Variants in THADA observed in about 807,000 individuals in gnomAD.
THADA encodes THADA armadillo repeat containing.
Under a neutral mutation model 219.8 loss-of-function variants are expected in THADA, and 213 were observed. That is an observed-to-expected ratio of 0.97 (90% CI 0.87 to 1.09). THADA has a LOEUF of 1.09. Among genes scored for constraint, THADA ranks in the 50% least tolerant of loss-of-function variants. THADA has a pLI of 0.00. For missense variants in THADA, 2,956 were observed against 2,311.3 expected (o/e 1.28, Z -5.72); for synonymous variants, 1,018 against 828.9 (o/e 1.23, Z -3.92).
In THADA at chr2:43,409,757, C is replaced by T. The variant is rs555199735; in HGVS notation, c.4059-11618G>A. On this transcript the variant is annotated intron_variant, in intron 28 of 37. Coordinates refer to ENST00000405975, the MANE Select transcript of THADA (RefSeq NM_022065.5). ...AAACAAAAGCAGGCATGATGGCTTACACTTGTAATCCCAGCACTTTGGTAG... is the reference window on the plus strand; with the variant it reads ...AAACAAAAGCAGGCATGATGGCTTATACTTGTAATCCCAGCACTTTGGTAG... Among the ~76,000 whole-genome samples, 5 of 152,158 alleles carry T rather than the reference C, an allele frequency of 3.3e-5. No individual in the cohort carries two copies. In the East Asian group the frequency reaches 5.8e-4, roughly 18 times the overall value.
chr2:43,349,977 T>C (rs1045973484), intron 29 of THADA, among the ~76,000 whole-genome samples: 2 of 152,200 alleles, frequency 1.3e-5, no homozygotes, highest in African/African-American at 4.8e-5. Context: ...GTGCCACATT[T>C]TCCTTAGTGT....
At chr2:43,354,370 T>C (rs1001321127) in intron 29 of THADA, among the ~76,000 whole-genome samples, 1 of 152,102 alleles carries the variant, frequency 6.6e-6, no homozygotes, top group Non-Finnish European at 1.5e-5. Flanking sequence ...GTTATGAACA[T>C]TCCAATTATA....
Position 43,571,765 on chromosome 2 carries a change from T to C in THADA, c.2006A>G (p.Tyr669Cys). The C allele has an allele frequency of 6.2e-7, 1 of 1,613,952 alleles. No individual in the cohort carries two copies. The highest frequency in any genetic ancestry group is 8.5e-7 in the Non-Finnish European group (1 of 1,179,858). ...TCCTGGAGACTGGCTGTTAAGATTG[T>C]ATGTAATAAAGAACTGAATCCACTG... is the stretch of plus-strand genomic sequence containing the variant. ...EMQWIQFFIT[Y>C]NLNSQSPGVR... Residue 669 changes from tyrosine to cysteine, a missense_variant, in exon 13 of 38, where the codon TAC (tyrosine) becomes TGC (cysteine). Physicochemically the swap from Tyr to Cys is radical, Grantham distance 194 (BLOSUM62 -2). Coordinates refer to ENST00000405975, the MANE Select transcript of THADA (RefSeq NM_022065.5).
In THADA at chr2:43,581,849, C is replaced by A; in HGVS notation, c.613G>T (p.Val205Leu). The A allele has an allele frequency of 1.2e-6, 2 of 1,612,348 alleles. No homozygotes were observed. The highest frequency in any genetic ancestry group is 1.7e-6 in the Non-Finnish European group (2 of 1,179,434). The change falls in exon 8 of 38, where the codon GTA becomes TTA. Residue 205 changes from valine (V) to leucine (L), a missense_variant. By Grantham distance (32) the Val-to-Leu change is conservative (BLOSUM62 1). Transcript: ENST00000405975. ...CCCTGGAAATCTTGTACTTTCTGTA[C>A]TAACATCATTGAAACTCTAATGCCT... ...LVGIRVSMMLVQKVQDFQGNL... is the reference protein window; with the variant it reads ...LVGIRVSMMLLQKVQDFQGNL...
intron 21 of THADA, among the ~76,000 whole-genome samples, chr2:43,529,080 G>A (rs1693541738): frequency 6.6e-6 from 1 of 151,944 alleles, no homozygotes; most frequent in African/African-American, 2.4e-5. Context: ...GAATTTGCCA[G>A]AATGTCACCC....
intron 29 of THADA, among the ~76,000 whole-genome samples, chr2:43,390,300 C>A (rs765654383): frequency 5.3e-5 from 8 of 152,186 alleles, no homozygotes; most frequent in African/African-American, 1.4e-4. Flanking sequence ...GTAATGGCAT[C>A]CTTCCTGGCC....
chr2:43,263,934 A>G (rs1408677144), intron 36 of THADA, among the ~76,000 whole-genome samples: 1 of 152,072 alleles, frequency 6.6e-6, no homozygotes, highest in African/African-American at 2.4e-5. Flanking sequence ...CATTATAAAT[A>G]TCACCCTGTC....
At chr2:43,442,001 C>G (rs1457882774) in intron 26 of THADA, among the ~76,000 whole-genome samples, 1 of 152,166 alleles carries the variant, frequency 6.6e-6, no homozygotes, top group South Asian at 2.1e-4. Context: ...GTTAAGAAGA[C>G]AGGTATTCAC....
chr2:43,358,351 A>G (rs1669110259), intron 29 of THADA, among the ~76,000 whole-genome samples: 1 of 152,048 alleles, frequency 6.6e-6, no homozygotes, highest in South Asian at 2.1e-4. Flanking sequence ...ATCAAAGATA[A>G]GAAACTTTGA....
intron 25 of THADA, among the ~76,000 whole-genome samples, chr2:43,486,011 G>A (rs1027358699): frequency 6.6e-6 from 1 of 152,026 alleles, no homozygotes; most frequent in South Asian, 2.1e-4. Flanking sequence ...ATAAGGCCAG[G>A]AGTTTGAGGC....
At chr2:43,311,275 G>A (rs1330723893) in intron 31 of THADA, among the ~76,000 whole-genome samples, 2 of 152,076 alleles carry the variant, frequency 1.3e-5, no homozygotes, top group Non-Finnish European at 2.9e-5. Context: ...TAGAAAAGAT[G>A]CTCAAACTCA....
intron 22 of THADA, among the ~76,000 whole-genome samples, chr2:43,514,679 TTA>T (rs1553470460): frequency 1.3e-5 from 1 of 78,080 alleles, no homozygotes; most frequent in African/African-American, 6.3e-5. Flanking sequence ...ATATAATATA[TTA>T]TATTATATAT....
intron 29 of THADA, among the ~76,000 whole-genome samples, chr2:43,394,936 C>G (rs1001853410): frequency 8.5e-5 from 13 of 152,232 alleles, no homozygotes; most frequent in African/African-American, 3.1e-4. Context: ...CCCCAGGGTT[C>G]TAGGGTTTTA....
At position 43,549,279 on chromosome 2, in the gene THADA, G is replaced by C. The variant is rs1030192840; in HGVS notation, c.3037C>G (p.His1013Asp). Residue 1013 changes from histidine (H) to aspartate (D), a missense_variant, in exon 20 of 38, where the codon CAT becomes GAT. Physicochemically the swap from His to Asp is moderately conservative, Grantham distance 81 (BLOSUM62 -1). Transcript: ENST00000405975. ...YFNQAKILKE[H>D]DSFDMKDLNA... ...AAGTCCTTCATATCAAAGCTATCATGTTCTTTCAATATTTTGGCTTGGTTA... is the reference window on the plus strand; with the variant it reads ...AAGTCCTTCATATCAAAGCTATCATCTTCTTTCAATATTTTGGCTTGGTTA... 2.5e-6 allele frequency: 4 copies of C among 1,596,998 alleles called. No individual in the cohort carries two copies. The highest frequency in any genetic ancestry group is 2.6e-6 in the Non-Finnish European group (3 of 1,171,564).
intron 22 of THADA, among the ~76,000 whole-genome samples, chr2:43,513,228 T>C (rs1179223364): frequency 6.6e-6 from 1 of 152,216 alleles, no homozygotes; most frequent in Non-Finnish European, 1.5e-5. Context: ...ATTAAAAGTT[T>C]CAATTGAAAT....
chr2:43,521,529 C>A lies in THADA; in HGVS notation c.3374+6350G>T, dbSNP rs1330283740. On this transcript the variant is annotated intron_variant, in intron 22 of 37. Transcript: ENST00000405975. The stretch of plus-strand genomic sequence containing the variant: ...CGAGATTGCACCACTGCACTCCAGC[C>A]TGGGCGACAGAGCAAGACTCCAGCT... Among the ~76,000 whole-genome samples, 3 of 152,218 alleles carry A rather than the reference C, an allele frequency of 2.0e-5. No individual in the cohort carries two copies. The East Asian group carries it at 5.8e-4, about 29-fold the overall frequency.
At chr2:43,534,741 G>A (rs941500705) in intron 21 of THADA, among the ~76,000 whole-genome samples, 5 of 151,976 alleles carry the variant, frequency 3.3e-5, no homozygotes, top group Admixed American at 2.0e-4. Context: ...GGTTGATTAC[G>A]TACCTTGTGT....
chr2:43,422,336 C>T (rs1030078049), intron 28 of THADA, among the ~76,000 whole-genome samples: 2 of 152,190 alleles, frequency 1.3e-5, no homozygotes, highest in Non-Finnish European at 2.9e-5. Flanking sequence ...TAAGTCTTCT[C>T]CAGTCTAACT....
In THADA at chr2:43,586,934, T is replaced by C. The variant is rs1559030616; in HGVS notation, c.371A>G (p.Glu124Gly). Reference protein sequence around the residue: ...AMHRFTSRLQEELNTTDLYSY... With the variant: ...AMHRFTSRLQGELNTTDLYSY... ...GTATAAGTCAGTAGTATTCAATTCTTCCTGAAGACGAGAAGTAAAACGGTG... is the reference window on the plus strand; with the variant it reads ...GTATAAGTCAGTAGTATTCAATTCTCCCTGAAGACGAGAAGTAAAACGGTG... Residue 124 changes from glutamate to glycine, a missense_variant, in exon 5 of 38, where the codon GAA becomes GGA. Glu to Gly is a moderately conservative substitution (Grantham distance 98). Transcript: ENST00000405975. 1 of 1,613,816 alleles carries C rather than the reference T, an allele frequency of 6.2e-7. No homozygotes were observed. Among genetic ancestry groups the C allele is most frequent in the Non-Finnish European group, 8.5e-7 (1 of 1,179,822 alleles).
Sources: gnomAD v4.1 joint callset for allele counts (sites outside exome capture counted in the v4.1 genomes callset) on GRCh38, gnomAD v4.1.1 for gene constraint, MANE v1.5 for transcripts, NCBI Gene and HGNC (gene_info 2026-07-23, HGNC 2026-07-21) for gene names.